CCDC178: variants seen among roughly 807,000 people sequenced by gnomAD.
CCDC178 encodes coiled-coil domain-containing protein 178.
CCDC178 carries 126 observed loss-of-function variants against 117.4 expected under a neutral mutation model. The ratio of observed to expected loss-of-function variants is 1.07; its 90% confidence interval spans 0.93 to 1.24. The LOEUF (loss-of-function observed/expected upper bound fraction) is 1.24. Among genes scored for constraint, CCDC178 ranks in the 50% most tolerant of loss-of-function variants. The pLI is 0.00. For synonymous variants in CCDC178, 283 were observed against 313.4 expected, an observed-to-expected ratio of 0.90 and a Z score of 1.02; for missense variants, 1,030 against 986.9, an observed-to-expected ratio of 1.04 and a Z score of -0.59.
intron 21 of CCDC178, among the ~76,000 whole-genome samples, chr18:33,063,340 A>G (rs1045397992): frequency 2.6e-5 from 4 of 152,000 alleles, no homozygotes; most frequent in African/African-American, 9.7e-5. Context: ...ACCCATGCAT[A>G]CCTTCCAGGG....
intron 20 of CCDC178, among the ~76,000 whole-genome samples, chr18:33,119,191 A>T (rs2057901389): frequency 6.6e-6 from 1 of 152,312 alleles, no homozygotes; most frequent in East Asian, 1.9e-4. Flanking sequence ...GACAAATGGG[A>T]TCTAATTAAA....
chr18:33,317,122 G>T (rs2062430356), intron 11 of CCDC178, among the ~76,000 whole-genome samples: 1 of 152,120 alleles, frequency 6.6e-6, no homozygotes, highest in Admixed American at 6.5e-5. Context: ...CTTCCACACT[G>T]TGGAAGCTTT....
At chr18:33,265,437 A>G (rs1216176560) in intron 14 of CCDC178, among the ~76,000 whole-genome samples, 1 of 152,104 alleles carries the variant, frequency 6.6e-6, no homozygotes, top group African/African-American at 2.4e-5. Context: ...TGTACATATG[A>G]CAGAGGAATT....
chr18:33,021,969 C>T (rs1203518888), intron 21 of CCDC178, among the ~76,000 whole-genome samples: 2 of 152,110 alleles, frequency 1.3e-5, no homozygotes, highest in South Asian at 2.1e-4. Flanking sequence ...GTTCTAAAAG[C>T]AATAGGTATA....
chr18:33,206,538 G>A (rs2144573013), intron 20 of CCDC178, among the ~76,000 whole-genome samples: 1 of 152,072 alleles, frequency 6.6e-6, no homozygotes, highest in South Asian at 2.1e-4. Context: ...AGCAGAAGAA[G>A]TAAAAAATTG....
At chr18:33,044,301 G>A (rs1156769247) in intron 21 of CCDC178, among the ~76,000 whole-genome samples, 3 of 151,946 alleles carry the variant, frequency 2.0e-5, no homozygotes, top group Admixed American at 1.3e-4. Context: ...AATCAGCATC[G>A]TTAAAATGAC....
At chr18:33,370,476 T>A in intron 5 of CCDC178, among the ~76,000 whole-genome samples, 1 of 151,380 alleles carries the variant, frequency 6.6e-6, no homozygotes. Flanking sequence ...GAACTAAACA[T>A]AGGAAAAAAT....
At chr18:33,223,311 C>G in intron 17 of CCDC178, 92 bp from the exon 18 acceptor site, 1 of 1,309,782 alleles carries the variant, frequency 7.6e-7, no homozygotes, top group Non-Finnish European at 1.0e-6. Flanking sequence ...ATTTTAATAA[C>G]AACAGCATTT....
At chr18:33,344,803 GCACACACACACACACACACACACACACA>G (rs63067861) in intron 9 of CCDC178, among the ~76,000 whole-genome samples, 1 of 120,844 alleles carries the variant, frequency 8.3e-6, no homozygotes, top group Non-Finnish European at 1.7e-5. Context: ...TGCCTCTAAA[GCACACACACACACACACACACACACACA>G]CACACACACA....
chr18:33,259,227 GT>G (rs1440881493), intron 14 of CCDC178, among the ~76,000 whole-genome samples: 3 of 152,126 alleles, frequency 2.0e-5, no homozygotes, highest in African/African-American at 7.2e-5. Flanking sequence ...ACAGAATTAA[GT>G]TTTTTTGCTT....
chr18:33,266,787 A>G (rs2059821424), intron 14 of CCDC178, 129 bp downstream of exon 14: 2 of 962,106 alleles, frequency 2.1e-6, no homozygotes, highest in South Asian at 4.2e-5. Flanking sequence ...TTTTGAATAG[A>G]ACTTAAATTT....
chr18:33,405,376 A>AT (rs2063767098), intron 3 of CCDC178, among the ~76,000 whole-genome samples: 1 of 151,852 alleles, frequency 6.6e-6, no homozygotes, highest in South Asian at 2.1e-4. Flanking sequence ...GGCATGTCAT[A>AT]TTTTTTGTAT....
At chr18:32,984,473 CCTT>C (rs1568198088) in intron 21 of CCDC178, among the ~76,000 whole-genome samples, 1 of 150,098 alleles carries the variant, frequency 6.7e-6, no homozygotes, top group Non-Finnish European at 1.5e-5. Flanking sequence ...AAACTTAAAA[CCTT>C]CTTAGTTTGA....
intron 20 of CCDC178, among the ~76,000 whole-genome samples, chr18:33,140,579 T>G (rs1272522985): frequency 6.6e-6 from 1 of 152,178 alleles, no homozygotes; most frequent in Admixed American, 6.5e-5. Flanking sequence ...GTAGCCCCTT[T>G]GTTTTGGAAA....
intron 21 of CCDC178, among the ~76,000 whole-genome samples, chr18:33,020,045 A>G (rs1250522342): frequency 6.6e-6 from 1 of 150,532 alleles, no homozygotes; most frequent in Non-Finnish European, 1.5e-5. Flanking sequence ...TCCCGTGTTC[A>G]AGTGATTCTC....
At chr18:33,332,652 T>C (rs2062684890) in intron 10 of CCDC178, among the ~76,000 whole-genome samples, 1 of 152,158 alleles carries the variant, frequency 6.6e-6, no homozygotes, top group South Asian at 2.1e-4. Flanking sequence ...CATGGATCAC[T>C]GCAACCTCAA....
intron 21 of CCDC178, among the ~76,000 whole-genome samples, chr18:33,011,767 CAA>C (rs71177899): frequency 0.04 from 1,213 of 29,996 alleles, 24 homozygotes; most frequent in Middle Eastern, 0.069. Flanking sequence ...GAGCAGAATG[CAA>C]AAAAAAAAAA....
At chr18:33,260,343 T>C (rs1189860002) in intron 14 of CCDC178, among the ~76,000 whole-genome samples, 2 of 152,120 alleles carry the variant, frequency 1.3e-5, no homozygotes, top group Admixed American at 1.3e-4. Context: ...TCATGATTAC[T>C]ACACATTTGT....
At chr18:33,327,494 T>C (rs1428911509) in intron 10 of CCDC178, among the ~76,000 whole-genome samples, 1 of 152,224 alleles carries the variant, frequency 6.6e-6, no homozygotes, top group Non-Finnish European at 1.5e-5. Context: ...CTGAAGAATA[T>C]TGTAATTCTG....
Sources: gnomAD v4.1 joint callset for allele counts (sites outside exome capture counted in the v4.1 genomes callset) on GRCh38, gnomAD v4.1.1 for gene constraint, MANE v1.5 for transcripts, NCBI Gene and HGNC (gene_info 2026-07-23, HGNC 2026-07-21) for gene names.